The following PRCD variants were observed in gnomAD, a reference collection of about 807,000 sequenced individuals.
The protein encoded by PRCD is photoreceptor disk component PRCD.
In PRCD, 12 loss-of-function variants were observed where a neutral mutation model predicts 10.1. The observed-to-expected ratio is 1.18, with a 90% CI of 0.76 to 1.92. The LOEUF (loss-of-function observed/expected upper bound fraction) is 1.92. PRCD is among the 40% of genes most tolerant of loss of function. The probability of loss-of-function intolerance (pLI) is 0.00; values close to 1 mark genes in which losing one functional copy is unlikely to be tolerated. For missense variants in PRCD, 61 were observed against 72.2 expected (o/e 0.84, Z 0.56); for synonymous variants, 31 against 26.2 (o/e 1.18, Z -0.56).
upstream of PRCD, chr17:76,537,303 G>T: frequency 1.5e-6 from 2 of 1,329,278 alleles, no homozygotes; most frequent in Admixed American, 3.6e-5. Context: ...CGGCTGGGGA[G>T]GTGGCGCTGG....
rs1567913535 is a variant in PRCD at position 76,544,639 on chromosome 17, G to C, written c.*989G>C. 4.4e-6 allele frequency: 2 copies of C among 456,684 alleles called. No homozygotes were observed. The highest frequency in any genetic ancestry group is 2.0e-5 in the African/African-American group (1 of 50,096). 28.3% of individuals were successfully genotyped at this position (456,684 alleles called of 1,614,324 possible). On this transcript the variant is annotated 3_prime_UTR_variant, in exon 5 of 5. Transcript: ENST00000592014. ...CGCCTGTCTCAGCTCCTGTCAGCCT[G>C]TCTCTCTCTTTGGAGGCATCGGCCT...
Position 76,530,613 on chromosome 17 carries a change from G to A in PRCD, n.45+2780G>A, listed in dbSNP as rs2074825035. Among the ~76,000 whole-genome samples, 1 of 152,180 alleles carries A rather than the reference G, an allele frequency of 6.6e-6. No individual in the cohort carries two copies. Among genetic ancestry groups the A allele is most frequent in the Admixed American group, 6.5e-5 (1 of 15,284 alleles). On this transcript the variant is annotated intron_variant and non_coding_transcript_variant, in intron 1 of 4. Transcript: ENST00000397633. This position sits in a 1 kb window ranked among gnomAD's most constrained non-coding sequence, Gnocchi z 6.1. ...TGGCACCCAGGGAGGAAGTGGCTGG[G>A]CTGACCTGGGCTGCCTCCGAGCCTG... is the stretch of plus-strand genomic sequence containing the variant.
chr17:76,531,820 A>T lies in PRCD; in HGVS notation n.45+3987A>T, dbSNP rs1460384187. The T allele has an allele frequency of 4.0e-5, 30 of 743,744 alleles. No individual in the cohort carries two copies. The Admixed American group carries it at 8.6e-4, about 21-fold the overall frequency. 46.1% of individuals were successfully genotyped at this position (743,744 alleles called of 1,614,324 possible). On this transcript the variant is annotated intron_variant and non_coding_transcript_variant, in intron 1 of 4. Transcript: ENST00000397633. This position sits in a 1 kb window ranked among gnomAD's most constrained non-coding sequence, Gnocchi z 7.4. ...CCACCCCCGCACCGTCACTGTTTTCACTACCATCAGTAGACCTCAGCATAG... is the reference window on the plus strand; with the variant it reads ...CCACCCCCGCACCGTCACTGTTTTCTCTACCATCAGTAGACCTCAGCATAG...
downstream of PRCD, among the ~76,000 whole-genome samples, chr17:76,547,862 CAT>C (rs1173182356): frequency 5.3e-5 from 8 of 150,564 alleles, no homozygotes; most frequent in East Asian, 7.8e-4. Flanking sequence ...CAGACATACA[CAT>C]ATACATATTC....
chr17:76,531,752 C>T lies in PRCD; in HGVS notation n.45+3919C>T. On this transcript the variant is annotated intron_variant and non_coding_transcript_variant, in intron 1 of 4. Coordinates refer to the PRCD transcript ENST00000397633. This position sits in a 1 kb window ranked among gnomAD's most constrained non-coding sequence, Gnocchi z 7.4. ...AGGCTGCCTCGGGCCCACCCTGAAG[C>T]TTCCAGGATAGTGGGGGCTGAAGAA... The T allele has an allele frequency of 3.5e-6, 5 of 1,430,444 alleles. No individual in the cohort carries two copies. The South Asian group carries it at 5.2e-5, about 15-fold the overall frequency. 88.6% of individuals were successfully genotyped at this position (1,430,444 alleles called of 1,614,324 possible).
At chr17:76,529,253 AGG>A in intron 1 of PRCD, 1 of 985,370 alleles carries the variant, frequency 1.0e-6, no homozygotes, top group Non-Finnish European at 1.2e-6. Flanking sequence ...CAGGGACACT[AGG>A]GGTGGGCTAG....
chr17:76,535,200 T>G (rs1373516403), upstream of PRCD, among the ~76,000 whole-genome samples: 1 of 152,050 alleles, frequency 6.6e-6, no homozygotes, highest in Admixed American at 6.5e-5. Flanking sequence ...GTTGGGGGTG[T>G]GGAAGTGCAG....
At position 76,530,846 on chromosome 17, in the gene PRCD, C is replaced by G. The variant is rs758048748; in HGVS notation, n.45+3013C>G. On this transcript the variant is annotated intron_variant and non_coding_transcript_variant, in intron 1 of 4. Coordinates refer to the PRCD transcript ENST00000397633. This position sits in a 1 kb window ranked among gnomAD's most constrained non-coding sequence, Gnocchi z 6.1. ...TTATGCCTGTTCTTACATGTCAGACCCCAGGGTTGGCCTGCCTCAAGTGTG... is the reference window on the plus strand; with the variant it reads ...TTATGCCTGTTCTTACATGTCAGACGCCAGGGTTGGCCTGCCTCAAGTGTG... 4 of 991,764 alleles carry G rather than the reference C, an allele frequency of 4.0e-6. No individual in the cohort carries two copies. The highest frequency in any genetic ancestry group is 5.8e-6 in the Non-Finnish European group (4 of 690,122). 61.4% of individuals were successfully genotyped at this position (991,764 alleles called of 1,614,324 possible). A position where few individuals can be genotyped will look rare whatever the true frequency, so the allele number is the denominator to read the frequency against.
Position 76,528,402 on chromosome 17 carries a change from C to T in PRCD, n.45+569C>T. 1 of 524,232 alleles carries T rather than the reference C, an allele frequency of 1.9e-6. No homozygotes were observed. Among genetic ancestry groups the T allele is most frequent in the East Asian group, 3.5e-5 (1 of 28,560 alleles). The allele number at this position is 524,232 out of a possible 1,614,324, so 32.5% of individuals were successfully genotyped here. ...GGGTCAGCATCCAGGCAGCCAGCGC[C>T]GCCTCCCAGCAGCTCCAGGGGGGGA... On this transcript the variant is annotated intron_variant and non_coding_transcript_variant, in intron 1 of 4. Transcript: ENST00000397633. The surrounding 1 kb of genome is among the most constrained non-coding windows in gnomAD (Gnocchi z 5.8).
chr17:76,538,550 C>T (rs1230142798), upstream of PRCD: 3 of 463,090 alleles, frequency 6.5e-6, no homozygotes, highest in East Asian at 2.3e-4. Flanking sequence ...CAGCTGGTGG[C>T]GGAGGAAGTC....
rs1390140407 is a variant in PRCD, at chr17:76,528,328, G to A, written n.45+495G>A. On this transcript the variant is annotated intron_variant and non_coding_transcript_variant, in intron 1 of 4. Transcript: ENST00000397633. The surrounding 1 kb of genome is among the most constrained non-coding windows in gnomAD (Gnocchi z 5.8). ...CGCTCAGCTAGGTCTCTCTCTAACA[G>A]TGAGTAGAAAAGCTAAGAAGAGTGG... The A allele has an allele frequency of 2.2e-5, 9 of 403,450 alleles. No homozygotes were observed. The highest frequency in any genetic ancestry group is 3.5e-5 in the Non-Finnish European group (8 of 229,250). The allele number at this position is 403,450 out of a possible 1,614,324, so 25.0% of individuals were successfully genotyped here.
rs1397705072 is a variant in PRCD at position 76,530,538 on chromosome 17, G to A, written n.45+2705G>A. Among the ~76,000 whole-genome samples, 1 of 152,156 alleles carries A rather than the reference G, an allele frequency of 6.6e-6. No individual in the cohort carries two copies. Among genetic ancestry groups the A allele is most frequent in the Non-Finnish European group, 1.5e-5 (1 of 68,024 alleles). The stretch of plus-strand genomic sequence containing the variant: ...GGCTCTAGCCCTATTGAGGCAGAGG[G>A]CATTTAGCAGCACTGGTCGGCATGA... On this transcript the variant is annotated intron_variant and non_coding_transcript_variant, in intron 1 of 4. Coordinates refer to the PRCD transcript ENST00000397633. This position sits in a 1 kb window ranked among gnomAD's most constrained non-coding sequence, Gnocchi z 6.1.
In PRCD at chr17:76,542,583, C is replaced by T. The variant is rs762512168; in HGVS notation, c.*9C>T. On this transcript the variant is annotated 3_prime_UTR_variant, in exon 3 of 5. Coordinates refer to ENST00000592014, the MANE Select transcript of PRCD (RefSeq NM_001077620.3). The stretch of plus-strand genomic sequence containing the variant: ...AAGAACCTCTGAAGTAAGCCCTCAC[C>T]TCTGCAGGTGGGGCTCAGGCCCAGA... 2 of 1,614,100 alleles carry T rather than the reference C, an allele frequency of 1.2e-6. No individual in the cohort carries two copies. Among genetic ancestry groups the T allele is most frequent in the South Asian group, 2.2e-5 (2 of 91,088 alleles).
chr17:76,529,388 A>G, intron 1 of PRCD: 1 of 985,232 alleles, frequency 1.0e-6, no homozygotes. Context: ...TGGGCGGAGG[A>G]GGAGACTTCG....
At chr17:76,539,953 A>T (rs923918042), upstream of PRCD, 1 of 623,294 alleles carries the variant, frequency 1.6e-6, no homozygotes, top group African/African-American at 1.8e-5. Flanking sequence ...ACCTGGGCCC[A>T]GTGAGCTTAA....
rs955156906 is a variant in PRCD at position 76,544,215 on chromosome 17, G to A, written c.*565G>A. On this transcript the variant is annotated 3_prime_UTR_variant, in exon 5 of 5. Coordinates refer to ENST00000592014, the MANE Select transcript of PRCD (RefSeq NM_001077620.3). ...AAACCCCCCGTGCCTCTGTGCACAC[G>A]CGTCTCTCCTCCCCAGCCAGCCCCC... 2 of 454,400 alleles carry A rather than the reference G, an allele frequency of 4.4e-6. No homozygotes were observed. Among genetic ancestry groups the A allele is most frequent in the South Asian group, 1.6e-5 (1 of 64,478 alleles). The allele number at this position is 454,400 out of a possible 1,614,324, so 28.1% of individuals were successfully genotyped here. A position where few individuals can be genotyped will look rare whatever the true frequency, so the allele number is the denominator to read the frequency against.
At chr17:76,537,303 G>C (rs1598208082), upstream of PRCD, 2 of 1,329,278 alleles carry the variant, frequency 1.5e-6, no homozygotes, top group East Asian at 6.4e-5. Flanking sequence ...CGGCTGGGGA[G>C]GTGGCGCTGG....
chr17:76,536,587 T>C (rs1244348848), upstream of PRCD, among the ~76,000 whole-genome samples: 1 of 152,062 alleles, frequency 6.6e-6, no homozygotes, highest in East Asian at 1.9e-4. Flanking sequence ...ATAAGGATGG[T>C]GTGTGTGCTC....
upstream of PRCD, chr17:76,538,287 C>T (rs1033438697): frequency 2.9e-4 from 56 of 195,186 alleles, 1 homozygote; most frequent in Admixed American, 3.2e-3. Context: ...GGCCGCGGCG[C>T]CACTCCCACG....
Sources: gnomAD v4.1 joint callset for allele counts (sites outside exome capture counted in the v4.1 genomes callset) on GRCh38, gnomAD v4.1.1 for gene constraint, Gnocchi (gnomAD v3.1) non-coding constraint, MANE v1.5 for transcripts, NCBI Gene and HGNC (gene_info 2026-07-23, HGNC 2026-07-21) for gene names.